Variants in SQOR observed in about 807,000 individuals in gnomAD.
The protein encoded by SQOR is sulfide:quinone oxidoreductase, mitochondrial.
Under a neutral mutation model 48.6 loss-of-function variants are expected in SQOR, and 39 were observed. The observed-to-expected ratio is 0.80, with a 90% CI of 0.62 to 1.05. The LOEUF (loss-of-function observed/expected upper bound fraction) is 1.05, where lower values mean the gene tolerates loss of function less well. SQOR is among the 50% of genes least tolerant of loss of function. SQOR has a pLI of 0.00. For missense variants in SQOR, 561 were observed against 559.9 expected, an observed-to-expected ratio of 1.00 and a Z score of -0.02; for synonymous variants, 220 against 206.2, an observed-to-expected ratio of 1.07 and a Z score of -0.57.
intron 1 of SQOR, among the ~76,000 whole-genome samples, chr15:45,641,220 T>C (rs1327621542): frequency 2.0e-5 from 3 of 152,222 alleles, no homozygotes; most frequent in Admixed American, 1.3e-4. Context: ...CTTGTTACAA[T>C]GCATTCTCTG....
intron 3 of SQOR, among the ~76,000 whole-genome samples, chr15:45,663,058 C>A (rs1401654367): frequency 6.6e-6 from 1 of 152,128 alleles, no homozygotes; most frequent in East Asian, 1.9e-4. Context: ...CACTTTGTCA[C>A]CCAGGCTGGA....
chr15:45,684,421 A>C (rs72715094), intron 7 of SQOR, among the ~76,000 whole-genome samples: 10,482 of 152,202 alleles, frequency 0.069, 454 homozygotes, highest in Middle Eastern at 0.15. Flanking sequence ...AGAATACCCC[A>C]AAATTTAGAA....
chr15:45,644,824 G>A (rs1397291510), intron 1 of SQOR, among the ~76,000 whole-genome samples: 2 of 152,186 alleles, frequency 1.3e-5, no homozygotes, highest in Middle Eastern at 3.2e-3. Context: ...CCTGGCCCTG[G>A]AATAATAAGG....
intron 4 of SQOR, among the ~76,000 whole-genome samples, chr15:45,671,203 G>A (rs986282835): frequency 6.6e-6 from 1 of 152,194 alleles, no homozygotes; most frequent in Non-Finnish European, 1.5e-5. Flanking sequence ...CACCGAGGCT[G>A]GAGTGAAGTG....
rs1412184152 is a variant in SQOR at position 45,683,664 on chromosome 15, CTGAG to C, written c.1048+1006_1048+1009del. ...CAAGGTAGACCATCTAGGAAACTCA[CTGAG>C]TGTCTTTTTCATTATTAATATTAAT... is the stretch of plus-strand genomic sequence containing the variant. On this transcript the variant is annotated intron_variant, in intron 7 of 9. Coordinates refer to ENST00000260324, the MANE Select transcript of SQOR (RefSeq NM_021199.4). 2.0e-5 allele frequency among the ~76,000 whole-genome samples: 3 copies of C among 152,206 alleles called. No homozygotes were observed. In the East Asian group the frequency reaches 5.8e-4, roughly 29 times the overall value.
chr15:45,669,344 T>G (rs1889896919), intron 3 of SQOR, among the ~76,000 whole-genome samples: 1 of 151,914 alleles, frequency 6.6e-6, no homozygotes, highest in Non-Finnish European at 1.5e-5. Flanking sequence ...TTGTATTTTT[T>G]GCAGAGACAG....
Position 45,691,063 on chromosome 15 carries a change from T to G in SQOR, c.*33T>G. ...TCAGCACTTGCTCATCTTGGATGGC[T>G]TCTGGGCCAAAACTGCAGTCACTGA... On this transcript the variant is annotated 3_prime_UTR_variant, in exon 10 of 10. Transcript: ENST00000260324. The G allele has an allele frequency of 6.2e-7, 1 of 1,600,782 alleles. No homozygotes were observed. Among genetic ancestry groups the G allele is most frequent in the Non-Finnish European group, 8.6e-7 (1 of 1,167,890 alleles).
intron 3 of SQOR, among the ~76,000 whole-genome samples, chr15:45,663,736 C>T (rs527937705): frequency 1.4e-4 from 22 of 151,774 alleles, no homozygotes; most frequent in South Asian, 6.3e-4. Context: ...CACTGCACTC[C>T]GTCTTAGGTG....
At chr15:45,677,705 A>G (rs1222565729) in intron 6 of SQOR, among the ~76,000 whole-genome samples, 1 of 151,892 alleles carries the variant, frequency 6.6e-6, no homozygotes, top group African/African-American at 2.4e-5. Context: ...GTATTTATTT[A>G]TTTATTTATT....
At chr15:45,687,635 T>C (rs1890246975) in intron 7 of SQOR, among the ~76,000 whole-genome samples, 1 of 152,144 alleles carries the variant, frequency 6.6e-6, no homozygotes, top group Non-Finnish European at 1.5e-5. Flanking sequence ...AACAAAACGA[T>C]GGAATTTGAA....
intron 7 of SQOR, among the ~76,000 whole-genome samples, chr15:45,683,637 C>T (rs1036966566): frequency 6.6e-6 from 1 of 152,050 alleles, no homozygotes; most frequent in African/African-American, 2.4e-5. Flanking sequence ...CTATTTCAAC[C>T]TCAAGGTAGA....
intron 1 of SQOR, among the ~76,000 whole-genome samples, chr15:45,657,252 G>A (rs1595575472): frequency 2.2e-5 from 3 of 137,734 alleles, no homozygotes; most frequent in South Asian, 2.5e-4. Context: ...TCCCTGGCCC[G>A]TGTGGAGCCT....
At chr15:45,670,616 A>G (rs946183119) in intron 4 of SQOR, among the ~76,000 whole-genome samples, 1 of 152,238 alleles carries the variant, frequency 6.6e-6, no homozygotes, top group Admixed American at 6.5e-5. Flanking sequence ...TGGGGACTAC[A>G]GATAAATAGT....
intron 6 of SQOR, among the ~76,000 whole-genome samples, chr15:45,681,018 G>T (rs1280320245): frequency 6.6e-6 from 1 of 152,026 alleles, no homozygotes; most frequent in Non-Finnish European, 1.5e-5. Context: ...AGACCAGCCT[G>T]GGCAACAGAG....
At chr15:45,655,981 G>C (rs1341229184) in intron 1 of SQOR, among the ~76,000 whole-genome samples, 1 of 150,206 alleles carries the variant, frequency 6.7e-6, no homozygotes, top group Non-Finnish European at 1.5e-5. Context: ...CACCGTGCCT[G>C]GCCTATTTTT....
At chr15:45,643,864 A>T (rs1486291193) in intron 1 of SQOR, among the ~76,000 whole-genome samples, 1 of 152,168 alleles carries the variant, frequency 6.6e-6, no homozygotes, top group Non-Finnish European at 1.5e-5. Context: ...GGTGGAGAAG[A>T]TATCTTAAGT....
At chr15:45,642,467 A>C (rs927420574) in intron 1 of SQOR, among the ~76,000 whole-genome samples, 2 of 152,228 alleles carry the variant, frequency 1.3e-5, no homozygotes, top group Non-Finnish European at 2.9e-5. Flanking sequence ...CTGTGAGCCA[A>C]GCAAAACACA....
Position 45,658,285 on chromosome 15 carries a change from G to T in SQOR, c.-17-622G>T, listed in dbSNP as rs939830655. On this transcript the variant is annotated intron_variant, in intron 1 of 9. Transcript: ENST00000260324. ...GTGGAGGGCCTTCACTTGTGTGTCG[G>T]TAGCCAGTGATTTGATTACATTATA... Among the ~76,000 whole-genome samples the T allele has an allele frequency of 9.2e-5, 14 of 152,270 alleles. No individual in the cohort carries two copies. The South Asian group carries it at 1.9e-3, about 20-fold the overall frequency.
chr15:45,654,134 AG>A (rs1359763949), intron 1 of SQOR, among the ~76,000 whole-genome samples: 2 of 147,620 alleles, frequency 1.4e-5, no homozygotes, highest in Non-Finnish European at 3.0e-5. Context: ...AAAAAAAAAA[AG>A]TGGCATTAAA....
Sources: allele counts gnomAD v4.1 joint callset (sites outside exome capture counted in the v4.1 genomes callset), GRCh38; gene constraint gnomAD v4.1.1; transcripts MANE v1.5; gene names NCBI Gene and HGNC (gene_info 2026-07-23, HGNC 2026-07-21).